Variants in TBCA observed in about 807,000 individuals in gnomAD.
TBCA encodes the protein tubulin-specific chaperone A.
In TBCA, 6 loss-of-function variants were observed where a neutral mutation model predicts 15.8. The observed-to-expected ratio is 0.38, with a 90% CI of 0.21 to 0.75. The LOEUF (loss-of-function observed/expected upper bound fraction) is 0.75. TBCA is among the 30% of genes least tolerant of loss of function. The pLI is 0.46. For missense variants in TBCA, 90 were observed against 131.2 expected (o/e 0.69, Z 1.53); for synonymous variants, 32 against 42.3 (o/e 0.76, Z 0.94).
At chr5:77,772,622 T>G (rs548722088) in intron 1 of TBCA, among the ~76,000 whole-genome samples, 1 of 152,260 alleles carries the variant, frequency 6.6e-6, no homozygotes, top group African/African-American at 2.4e-5. Flanking sequence ...AGGCAAAATG[T>G]GAGTAACAAG....
chr5:77,756,136 G>A (rs1313443479), intron 1 of TBCA, among the ~76,000 whole-genome samples: 2 of 152,188 alleles, frequency 1.3e-5, no homozygotes, highest in Non-Finnish European at 2.9e-5. Context: ...CCGCAGCCTA[G>A]GATTTCGTGT....
At chr5:77,705,664 TA>T (rs1048598793) in intron 2 of TBCA, 4 of 397,616 alleles carry the variant, frequency 1.0e-5, no homozygotes, top group African/African-American at 2.1e-5. Flanking sequence ...CCTGTCTCTA[TA>T]AAAAATTTAA....
At chr5:77,706,009 T>G (rs1746141724) in intron 2 of TBCA, among the ~76,000 whole-genome samples, 1 of 152,174 alleles carries the variant, frequency 6.6e-6, no homozygotes, top group African/African-American at 2.4e-5. Context: ...AAGAAAGCTA[T>G]CTTCCTAGAT....
intron 1 of TBCA, among the ~76,000 whole-genome samples, chr5:77,712,270 G>C (rs1746295697): frequency 6.6e-6 from 1 of 152,122 alleles, no homozygotes; most frequent in African/African-American, 2.4e-5. Context: ...AATTGGGATT[G>C]TCAGAATTAT....
At chr5:77,748,157 C>T (rs1747232257) in intron 1 of TBCA, among the ~76,000 whole-genome samples, 1 of 152,072 alleles carries the variant, frequency 6.6e-6, no homozygotes, top group Non-Finnish European at 1.5e-5. Context: ...GTTCACTGAA[C>T]CTAGTTTCAA....
intron 1 of TBCA, among the ~76,000 whole-genome samples, chr5:77,753,576 T>C (rs1304641357): frequency 6.6e-6 from 1 of 152,198 alleles, no homozygotes; most frequent in Non-Finnish European, 1.5e-5. Flanking sequence ...TGAGATATCG[T>C]GAATAACTTC....
intron 2 of TBCA, among the ~76,000 whole-genome samples, chr5:77,704,334 T>C (rs1270800293): frequency 1.3e-5 from 2 of 152,192 alleles, no homozygotes; most frequent in Non-Finnish European, 2.9e-5. Flanking sequence ...CCCCTGATTT[T>C]TGGCAACCAT....
intron 1 of TBCA, among the ~76,000 whole-genome samples, chr5:77,723,804 G>A (rs940124614): frequency 2.0e-5 from 3 of 151,988 alleles, no homozygotes; most frequent in Non-Finnish European, 4.4e-5. Flanking sequence ...GAAAAGACAC[G>A]TGACATTCAG....
intron 1 of TBCA, among the ~76,000 whole-genome samples, chr5:77,715,872 TCTAGTATAATTTCCTTTTCCCTG>T (rs1284577682): frequency 6.6e-5 from 10 of 152,206 alleles, no homozygotes; most frequent in African/African-American, 1.9e-4. Flanking sequence ...GTTTGGAGCC[TCTAGTATAATTTCCTTTTCCCTG>T]TTATATACAG....
intron 1 of TBCA, among the ~76,000 whole-genome samples, chr5:77,754,936 AT>A (rs1464585646): frequency 6.6e-6 from 1 of 152,212 alleles, no homozygotes; most frequent in Non-Finnish European, 1.5e-5. Flanking sequence ...TTATTATTTA[AT>A]TTATGAGTAC....
intron 1 of TBCA, among the ~76,000 whole-genome samples, chr5:77,710,309 T>C (rs1055284842): frequency 2.6e-5 from 4 of 152,196 alleles, no homozygotes; most frequent in Non-Finnish European, 5.9e-5. Context: ...TGCATTTGAT[T>C]TATAATTTAA....
intron 1 of TBCA, among the ~76,000 whole-genome samples, chr5:77,743,503 A>T (rs1747097576): frequency 1.3e-5 from 2 of 152,200 alleles, no homozygotes; most frequent in South Asian, 4.1e-4. Context: ...GTTAGCAAGA[A>T]GCAACCTAGA....
intron 1 of TBCA, among the ~76,000 whole-genome samples, chr5:77,762,897 G>C (rs1282210485): frequency 1.3e-5 from 2 of 152,182 alleles, no homozygotes. Flanking sequence ...TGTGGGTCTG[G>C]AGCCTCACAC....
intron 1 of TBCA, among the ~76,000 whole-genome samples, chr5:77,745,578 T>C (rs1440512865): frequency 6.6e-6 from 1 of 152,190 alleles, no homozygotes; most frequent in Non-Finnish European, 1.5e-5. Flanking sequence ...TATCATGAAT[T>C]ACGTGTTAAA....
intron 3 of TBCA, chr5:77,692,731 T>C (rs1385231817): frequency 3.0e-6 from 3 of 991,140 alleles, no homozygotes; most frequent in Non-Finnish European, 3.6e-6. Context: ...CTGCTTTATC[T>C]ACCTTCTGTA....
chr5:77,752,585 TCTGTC>T (rs1356027313), intron 1 of TBCA, among the ~76,000 whole-genome samples: 66 of 47,878 alleles, frequency 1.4e-3, no homozygotes, highest in East Asian at 3.2e-3. Flanking sequence ...GGAGTCTCGC[TCTGTC>T]GCCCAGGCCG....
intron 1 of TBCA, among the ~76,000 whole-genome samples, chr5:77,763,507 T>C (rs138472125): frequency 6.6e-6 from 1 of 152,204 alleles, no homozygotes; most frequent in East Asian, 1.9e-4. Context: ...AATGCCCCAA[T>C]TCATATATCT....
At chr5:77,756,621 C>T (rs1747482244) in intron 1 of TBCA, among the ~76,000 whole-genome samples, 1 of 146,426 alleles carries the variant, frequency 6.8e-6, no homozygotes, top group Non-Finnish European at 1.5e-5. Flanking sequence ...AGAACAACTT[C>T]CTAAGAGGAA....
intron 2 of TBCA, among the ~76,000 whole-genome samples, chr5:77,701,375 T>G (rs1338939666): frequency 6.6e-6 from 1 of 151,990 alleles, no homozygotes; most frequent in Non-Finnish European, 1.5e-5. Flanking sequence ...ACCTTATTCC[T>G]GCAAGAACGA....
Sources: allele counts gnomAD v4.1 joint callset (sites outside exome capture counted in the v4.1 genomes callset), GRCh38; gene constraint gnomAD v4.1.1; transcripts MANE v1.5; gene names NCBI Gene and HGNC (gene_info 2026-07-23, HGNC 2026-07-21).